The following IGFL2 variants were observed in gnomAD, a reference collection of about 807,000 sequenced individuals.
The protein encoded by IGFL2 is IGF like family member 2, also known as insulin growth factor-like family member 2.
A neutral mutation model predicts 13.9 loss-of-function variants in IGFL2; 7 were observed. The observed-to-expected ratio is 0.51, with a 90% confidence interval of 0.29 to 0.95. The LOEUF is 0.95. IGFL2 is among the 40% of genes least tolerant of loss of function. The pLI, the probability that IGFL2 is intolerant of heterozygous loss-of-function variation, is 0.08. For missense variants in IGFL2, 138 were observed against 147.8 expected, an observed-to-expected ratio of 0.93 and a Z score of 0.34; for synonymous variants, 55 against 55.8, an observed-to-expected ratio of 0.99 and a Z score of 0.07.
chr19:46,179,808 C>T, the IGFL2 span, among the ~76,000 whole-genome samples: 1 of 152,118 alleles, frequency 6.6e-6, no homozygotes, highest in South Asian at 2.1e-4. Flanking sequence ...CCCACCTACT[C>T]GGGGGGCTGA....
At chr19:46,157,201 A>G (rs1973871174) in intron 1 of IGFL2, among the ~76,000 whole-genome samples, 1 of 152,184 alleles carries the variant, frequency 6.6e-6, no homozygotes, top group Non-Finnish European at 1.5e-5. Context: ...AATGTTTAAA[A>G]AGAAATTGAC....
At chr19:46,109,982 CTG>C in the IGFL2 span, among the ~76,000 whole-genome samples, 1 of 152,184 alleles carries the variant, frequency 6.6e-6, no homozygotes, top group Non-Finnish European at 1.5e-5. Context: ...ACACTAATAA[CTG>C]TAAGTTTCTG....
chr19:46,143,031 A>G (rs1972927830), upstream of IGFL2: 1 of 152,222 alleles, frequency 6.6e-6, no homozygotes, highest in South Asian at 2.1e-4. Context: ...GTTGACTGTT[A>G]CATGTTACTG....
the IGFL2 span, among the ~76,000 whole-genome samples, chr19:46,181,786 A>C: frequency 5.3e-5 from 8 of 152,352 alleles, no homozygotes; most frequent in African/African-American, 1.7e-4. Context: ...TAGCCATGAA[A>C]TAACAAAAGT....
At chr19:46,167,366 G>T in the IGFL2 span, among the ~76,000 whole-genome samples, 1 of 152,194 alleles carries the variant, frequency 6.6e-6, no homozygotes, top group African/African-American at 2.4e-5. Context: ...ATACTGGGCA[G>T]ATCAGCCAGG....
chr19:46,183,888 C>T, the IGFL2 span, among the ~76,000 whole-genome samples: 1 of 152,092 alleles, frequency 6.6e-6, no homozygotes, highest in Admixed American at 6.5e-5. Flanking sequence ...CTACTAATTC[C>T]TCAGTCCCAT....
At chr19:46,156,165 C>G (rs983371711) in intron 1 of IGFL2, among the ~76,000 whole-genome samples, 2 of 152,094 alleles carry the variant, frequency 1.3e-5, no homozygotes, top group African/African-American at 4.8e-5. Flanking sequence ...TATACAAAAC[C>G]TTGCTGTAAT....
intron 1 of IGFL2, among the ~76,000 whole-genome samples, chr19:46,155,021 A>C (rs1217784411): frequency 6.6e-6 from 1 of 151,782 alleles, no homozygotes; most frequent in African/African-American, 2.4e-5. Context: ...CTACAGCTAG[A>C]ACACTGGGAG....
the IGFL2 span, among the ~76,000 whole-genome samples, chr19:46,094,028 T>C: frequency 7.1e-6 from 1 of 140,026 alleles, no homozygotes; most frequent in African/African-American, 2.6e-5. Context: ...TTAACAGCCT[T>C]GGAGGATTTT....
At chr19:46,202,525 T>C in the IGFL2 span, 149 of 152,110 alleles carry the variant, frequency 9.8e-4, 2 homozygotes, top group African/African-American at 2.6e-3. Context: ...AGAGGGGGGT[T>C]GGTACTTGCC....
In IGFL2 at chr19:46,152,720, G is replaced by A. The variant is rs567023124; in HGVS notation, c.19+4423G>A. 2.6e-5 allele frequency among the ~76,000 whole-genome samples: 4 copies of A among 152,278 alleles called. No individual in the cohort carries two copies. In the East Asian group the frequency reaches 7.7e-4, roughly 29 times the overall value. On this transcript the variant is annotated intron_variant, in intron 1 of 3. Transcript: ENST00000377693. ...CCGCCAATGCTATCTTGAATAGAGT[G>A]GTAAGAGTGGATATACTTGTCTTGT...
rs190042490 is a variant in IGFL2, at chr19:46,161,041, G to T, written c.342-29G>T. 1.5e-5 allele frequency: 23 copies of T among 1,579,310 alleles called. No homozygotes were observed. The African/African-American group carries it at 2.7e-4, about 18-fold the overall frequency. On this transcript the variant is annotated intron_variant, in intron 3 of 3. Coordinates refer to ENST00000377693, the MANE Select transcript of IGFL2 (RefSeq NM_001135113.2). ...TCAGTTATCTCCTTGTCTGTTATTC[G>T]TAATTTCTTGGTTTCTTTTTCTCTG...
At chr19:46,115,808 C>T in the IGFL2 span, among the ~76,000 whole-genome samples, 1 of 152,140 alleles carries the variant, frequency 6.6e-6, no homozygotes, top group Admixed American at 6.5e-5. Context: ...ATGAGTAGAG[C>T]CACTTACCAG....
At chr19:46,114,257 T>G in the IGFL2 span, among the ~76,000 whole-genome samples, 1 of 152,148 alleles carries the variant, frequency 6.6e-6, no homozygotes, top group Non-Finnish European at 1.5e-5. Context: ...GTGCATCTAG[T>G]TAGCTATCCT....
chr19:46,211,577 CGGG>C, the IGFL2 span: 2 of 152,134 alleles, frequency 1.3e-5, no homozygotes, highest in Admixed American at 1.3e-4. Context: ...CAACGTCCTC[CGGG>C]GTTTCACATT....
At chr19:46,125,773 G>C in the IGFL2 span, among the ~76,000 whole-genome samples, 1 of 152,194 alleles carries the variant, frequency 6.6e-6, no homozygotes, top group Non-Finnish European at 1.5e-5. Flanking sequence ...GGCCAACAAT[G>C]TGAAGATTCC....
At chr19:46,190,104 G>A in the IGFL2 span, 5 of 152,148 alleles carry the variant, frequency 3.3e-5, no homozygotes, top group Non-Finnish European at 7.3e-5. Flanking sequence ...CAGAATCAAC[G>A]ACCTCTACAT....
At chr19:46,214,389 T>C in the IGFL2 span, 32 of 152,354 alleles carry the variant, frequency 2.1e-4, no homozygotes, top group Middle Eastern at 3.4e-3. Context: ...ATGAAAGTGC[T>C]ATTGCCTAAA....
chr19:46,206,646 T>G, the IGFL2 span: 1 of 152,216 alleles, frequency 6.6e-6, no homozygotes, highest in Non-Finnish European at 1.5e-5. Flanking sequence ...CAAAAGAAAG[T>G]TTAATTGAAC....
Sources: gnomAD v4.1 joint callset for allele counts (sites outside exome capture counted in the v4.1 genomes callset) on GRCh38, gnomAD v4.1.1 for gene constraint, MANE v1.5 for transcripts, NCBI Gene and HGNC (gene_info 2026-07-23, HGNC 2026-07-21) for gene names.